The following ZNF83 variants were observed in gnomAD, a reference collection of about 807,000 sequenced individuals.
ZNF83 encodes zinc finger protein 816B.
For missense variants in ZNF83, 552 were observed against 629.9 expected (o/e 0.88, Z 1.32); for synonymous variants, 209 against 213.0 (o/e 0.98, Z 0.17).
chr19:52,627,450 T>G (rs986644637), intron 2 of ZNF83, among the ~76,000 whole-genome samples: 4 of 151,906 alleles, frequency 2.6e-5, no homozygotes, highest in Non-Finnish European at 5.9e-5. Flanking sequence ...TCACCTGAGG[T>G]CAGGAATTCA....
chr19:52,672,663 G>C (rs1473014123), intron 1 of ZNF83, among the ~76,000 whole-genome samples: 8 of 152,120 alleles, frequency 5.3e-5, no homozygotes, highest in African/African-American at 1.9e-4. Flanking sequence ...GCAATGGCAC[G>C]GTCTCGGCTC....
intron 3 of ZNF83, among the ~76,000 whole-genome samples, chr19:52,644,935 G>C (rs1234885361): frequency 6.6e-6 from 1 of 151,272 alleles, no homozygotes; most frequent in Admixed American, 6.6e-5. Context: ...GCTTGAACCC[G>C]GGAGGAGGAG....
At chr19:52,652,455 T>A in intron 3 of ZNF83, 1 of 403,816 alleles carries the variant, frequency 2.5e-6, no homozygotes, top group South Asian at 1.9e-5. Context: ...AAAAAATGAC[T>A]GCCACAATTA....
intron 1 of ZNF83, among the ~76,000 whole-genome samples, chr19:52,664,499 T>C (rs1660994780): frequency 1.3e-5 from 2 of 151,844 alleles, no homozygotes; most frequent in African/African-American, 2.4e-5. Flanking sequence ...CCATCTCCAA[T>C]TAAAAAAAGA....
At chr19:52,619,000 G>T in intron 2 of ZNF83, 1 of 1,594,068 alleles carries the variant, frequency 6.3e-7, no homozygotes, top group Non-Finnish European at 8.6e-7. Flanking sequence ...TCTGAGCAGG[G>T]TCCAGGCATT....
chr19:52,634,641 C>T (rs2061085230), intron 2 of ZNF83, among the ~76,000 whole-genome samples: 1 of 152,108 alleles, frequency 6.6e-6, no homozygotes, highest in African/African-American at 2.4e-5. Flanking sequence ...GAAAAGATTT[C>T]CCCTTATTTG....
chr19:52,619,005 G>T (rs910433825), intron 2 of ZNF83: 13 of 1,596,432 alleles, frequency 8.1e-6, no homozygotes, highest in Non-Finnish European at 1.0e-5. Flanking sequence ...GCAGGGTCCA[G>T]GCATTTCCAC....
intron 1 of ZNF83, chr19:52,636,924 C>G (rs1313402436): frequency 1.3e-5 from 2 of 152,176 alleles, no homozygotes; most frequent in Non-Finnish European, 2.9e-5. Context: ...TCCTAAAGTG[C>G]TGGGATTACA....
Position 52,687,561 on chromosome 19 carries a change from T to A in ZNF83, c.-283+2882A>T, listed in dbSNP as rs11670614. Among the ~76,000 whole-genome samples, 3 of 22,782 alleles carry A rather than the reference T, an allele frequency of 1.3e-4. 1 individual carries two copies. The highest frequency in any genetic ancestry group is 2.7e-4 in the Non-Finnish European group (3 of 11,250). The allele number at this position is 22,782 out of a possible 152,430, so 14.9% of individuals were successfully genotyped here. ...TATATATAAATTATATGTGTAAATT[T>A]TATATATATATAAATTTTATATATA... On this transcript the variant is annotated intron_variant, in intron 1 of 5. Coordinates refer to the ZNF83 transcript ENST00000594682.
intron 1 of ZNF83, among the ~76,000 whole-genome samples, chr19:52,690,006 G>A (rs1011797803): frequency 6.6e-6 from 1 of 152,146 alleles, no homozygotes; most frequent in Non-Finnish European, 1.5e-5. Context: ...GACAAGGGTG[G>A]GGTCTGCAGG....
intron 2 of ZNF83, among the ~76,000 whole-genome samples, chr19:52,655,987 T>A (rs1411371048): frequency 6.6e-6 from 1 of 151,508 alleles, no homozygotes; most frequent in East Asian, 1.9e-4. Flanking sequence ...GAGGTGGGTG[T>A]ATCAACTGAG....
At chr19:52,650,761 A>C (rs559016002) in intron 3 of ZNF83, 2 of 152,354 alleles carry the variant, frequency 1.3e-5, no homozygotes, top group South Asian at 4.1e-4. Context: ...TAAGGCTGGG[A>C]CAAACTTGTT....
In ZNF83 at chr19:52,644,400, G is replaced by A. The variant is rs559739576; in HGVS notation, c.-73-9247C>T. 3.9e-5 allele frequency among the ~76,000 whole-genome samples: 6 copies of A among 152,154 alleles called. No homozygotes were observed. In the South Asian group the frequency reaches 6.2e-4, roughly 16 times the overall value. Reference sequence around the variant, plus strand: ...GGCTCAGAGTGAAGACATTTTCACCGAGTTACCCTGAGAAGGTCTGAGATG... The same window carrying A: ...GGCTCAGAGTGAAGACATTTTCACCAAGTTACCCTGAGAAGGTCTGAGATG... On this transcript the variant is annotated intron_variant, in intron 3 of 5. Transcript: ENST00000594682.
intron 1 of ZNF83, among the ~76,000 whole-genome samples, chr19:52,678,582 C>A (rs1433953490): frequency 2.0e-5 from 3 of 151,928 alleles, no homozygotes; most frequent in Non-Finnish European, 4.4e-5. Context: ...AACACAATCT[C>A]TGGAATAAAT....
intron 2 of ZNF83, among the ~76,000 whole-genome samples, chr19:52,622,655 C>T (rs1168860532): frequency 6.6e-6 from 1 of 151,106 alleles, no homozygotes; most frequent in African/African-American, 2.5e-5. Context: ...AAGATGAAAA[C>T]CCAGCCCAGT....
intron 1 of ZNF83, chr19:52,674,216 G>A (rs1395585066): frequency 1.3e-5 from 2 of 152,240 alleles, no homozygotes; most frequent in African/African-American, 2.4e-5. Flanking sequence ...TGGCCCTGAT[G>A]TGTGAAGACT....
chr19:52,642,943 G>C (rs1378761469), upstream of ZNF83, among the ~76,000 whole-genome samples: 1 of 152,084 alleles, frequency 6.6e-6, no homozygotes, highest in African/African-American at 2.4e-5. Context: ...GATTACTTGA[G>C]GTCAGGAGTG....
chr19:52,671,523 A>AT (rs2061725821), intron 1 of ZNF83, among the ~76,000 whole-genome samples: 1 of 151,140 alleles, frequency 6.6e-6, no homozygotes, highest in South Asian at 2.1e-4. Flanking sequence ...TGCTCCTTGC[A>AT]CCCTCAACCT....
At chr19:52,676,881 T>G (rs2061820464) in intron 1 of ZNF83, among the ~76,000 whole-genome samples, 1 of 130,406 alleles carries the variant, frequency 7.7e-6, no homozygotes, top group Non-Finnish European at 1.6e-5. Flanking sequence ...GTTAAATGGA[T>G]TAAGGGTGGT....
Sources: gnomAD v4.1 joint callset for allele counts (sites outside exome capture counted in the v4.1 genomes callset) on GRCh38, gnomAD v4.1.1 for gene constraint, MANE v1.5 for transcripts, NCBI Gene and HGNC (gene_info 2026-07-23, HGNC 2026-07-21) for gene names.